Variants in GALNT13 observed in about 807,000 individuals in gnomAD.
GALNT13 encodes the protein polypeptide N-acetylgalactosaminyltransferase 13.
GALNT13 carries 28 observed loss-of-function variants against 64.2 expected under a neutral mutation model. The ratio of observed to expected loss-of-function variants is 0.44; its 90% CI spans 0.32 to 0.60. The LOEUF (loss-of-function observed/expected upper bound fraction) is 0.60. Among genes scored for constraint, GALNT13 ranks in the 20% least tolerant of loss-of-function variants. The pLI is 0.05. For synonymous variants in GALNT13, 214 were observed against 224.6 expected, an observed-to-expected ratio of 0.95 and a Z score of 0.42; for missense variants, 577 against 669.8, an observed-to-expected ratio of 0.86 and a Z score of 1.53.
At chr2:153,769,498 C>T in the GALNT13 span, among the ~76,000 whole-genome samples, 2 of 151,890 alleles carry the variant, frequency 1.3e-5, no homozygotes, top group African/African-American at 2.4e-5. Flanking sequence ...TTCTCTATTG[C>T]CACTCTTAGC....
rs201268752 is a variant in GALNT13 at position 154,035,338 on chromosome 2, TA to T, written c.142+90701del. ...GTAGCTTAATTATTTTTATGTGGTA[TA>T]AGTATTTATTAGAAATCAAATGGAC... On this transcript the variant is annotated intron_variant, in intron 3 of 12. Transcript: ENST00000392825. 5.3e-3 allele frequency among the ~76,000 whole-genome samples: 807 copies of T among 152,192 alleles called. 5 individuals are homozygous for T. Among genetic ancestry groups the T allele is most frequent in the African/African-American group, 0.018 (761 of 41,554 alleles).
Position 154,062,976 on chromosome 2 carries a change from A to T in GALNT13, c.143-77361A>T, listed in dbSNP as rs368987917. Among the ~76,000 whole-genome samples the T allele has an allele frequency of 9.2e-5, 14 of 152,048 alleles. No homozygotes were observed. In the South Asian group the frequency reaches 2.9e-3, roughly 32 times the overall value. On this transcript the variant is annotated intron_variant, in intron 3 of 12. Transcript: ENST00000392825. ...TGATCTGCTTTTTCTAACATTATTTATATAGTGAACAGGATTCCTAATTCA... is the reference window on the plus strand; with the variant it reads ...TGATCTGCTTTTTCTAACATTATTTTTATAGTGAACAGGATTCCTAATTCA...
At chr2:153,201,978 T>C in the GALNT13 span, among the ~76,000 whole-genome samples, 186 of 144,938 alleles carry the variant, frequency 1.3e-3, 2 homozygotes, top group African/African-American at 3.9e-3. Flanking sequence ...CATTTCTTTT[T>C]TTTTTTTTTT....
chr2:154,264,565 A>G lies in GALNT13; in HGVS notation c.975+5427A>G, dbSNP rs568167756. 2.0e-5 allele frequency among the ~76,000 whole-genome samples: 3 copies of G among 151,964 alleles called. No individual in the cohort carries two copies. The East Asian group carries it at 5.8e-4, about 29-fold the overall frequency. Reference sequence around the variant, plus strand: ...GGTAGAAGAATCGCTTGAACCCAGGAGGCAGAGGTTGCAGTGAGCCGAGAT... The same window carrying G: ...GGTAGAAGAATCGCTTGAACCCAGGGGGCAGAGGTTGCAGTGAGCCGAGAT... On this transcript the variant is annotated intron_variant, in intron 8 of 12. Coordinates refer to ENST00000392825, the MANE Select transcript of GALNT13 (RefSeq NM_052917.4).
chr2:153,635,389 A>G, the GALNT13 span, among the ~76,000 whole-genome samples: 1 of 83,742 alleles, frequency 1.2e-5, no homozygotes. Context: ...CTCATAGTAC[A>G]GTAAATATGT....
the GALNT13 span, among the ~76,000 whole-genome samples, chr2:153,223,675 A>T: frequency 6.6e-6 from 1 of 152,160 alleles, no homozygotes; most frequent in African/African-American, 2.4e-5. Context: ...GGATATGGCC[A>T]CATATGGGCA....
intron 2 of GALNT13, among the ~76,000 whole-genome samples, chr2:153,942,171 C>A (rs961316429): frequency 1.3e-5 from 2 of 151,918 alleles, no homozygotes; most frequent in Admixed American, 6.6e-5. Flanking sequence ...CTTGATTAAG[C>A]CTCACAATAT....
the GALNT13 span, among the ~76,000 whole-genome samples, chr2:153,122,457 C>T: frequency 6.6e-6 from 1 of 152,176 alleles, no homozygotes; most frequent in South Asian, 2.1e-4. Flanking sequence ...TACAGTCATA[C>T]AGCTAATGTG....
At chr2:154,328,296 A>T (rs186763905) in intron 9 of GALNT13, among the ~76,000 whole-genome samples, 1 of 152,158 alleles carries the variant, frequency 6.6e-6, no homozygotes, top group East Asian at 1.9e-4. Context: ...TTGATCTTTT[A>T]TATAACTGGA....
At chr2:153,293,213 C>T in the GALNT13 span, among the ~76,000 whole-genome samples, 1 of 152,012 alleles carries the variant, frequency 6.6e-6, no homozygotes, top group African/African-American at 2.4e-5. Flanking sequence ...CCCTGAAACC[C>T]GTAAATAGGT....
intron 3 of GALNT13, among the ~76,000 whole-genome samples, chr2:154,089,177 T>C (rs1701676491): frequency 6.6e-6 from 1 of 152,026 alleles, no homozygotes; most frequent in African/African-American, 2.4e-5. Context: ...CAGGAGAGCT[T>C]TGGAGCTCTG....
chr2:154,388,141 C>G (rs2105345956), intron 9 of GALNT13, among the ~76,000 whole-genome samples: 1 of 152,222 alleles, frequency 6.6e-6, no homozygotes, highest in Non-Finnish European at 1.5e-5. Context: ...CTTATTGTGG[C>G]TTTAATTTGC....
chr2:153,652,274 A>T, the GALNT13 span, among the ~76,000 whole-genome samples: 3 of 152,168 alleles, frequency 2.0e-5, no homozygotes, highest in Non-Finnish European at 4.4e-5. Flanking sequence ...TTGTAAAAGT[A>T]TTTTACAATT....
the GALNT13 span, among the ~76,000 whole-genome samples, chr2:153,239,198 C>G: frequency 2.0e-5 from 3 of 152,054 alleles, no homozygotes; most frequent in Non-Finnish European, 4.4e-5. Context: ...TGTATTGCAA[C>G]TTTACTGAAT....
At chr2:154,113,528 T>A (rs1195264921) in intron 3 of GALNT13, among the ~76,000 whole-genome samples, 2 of 152,176 alleles carry the variant, frequency 1.3e-5, no homozygotes, top group African/African-American at 4.8e-5. Context: ...TCTTTCACCT[T>A]AGGAGGAATA....
intron 3 of GALNT13, among the ~76,000 whole-genome samples, chr2:154,099,561 A>T (rs1221879241): frequency 3.3e-5 from 5 of 152,064 alleles, no homozygotes; most frequent in Admixed American, 3.3e-4. Flanking sequence ...CTTACCATTA[A>T]GCCCTTAATC....
the GALNT13 span, among the ~76,000 whole-genome samples, chr2:153,827,011 CA>C: frequency 7.9e-5 from 12 of 152,016 alleles, no homozygotes; most frequent in African/African-American, 2.9e-4. Flanking sequence ...TGTTTTCACA[CA>C]GCTGATAAAA....
the GALNT13 span, among the ~76,000 whole-genome samples, chr2:153,180,768 G>A: frequency 1.3e-5 from 2 of 151,382 alleles, no homozygotes; most frequent in African/African-American, 4.9e-5. Context: ...TTTAGTCTTG[G>A]TAGTTTGTGT....
intron 3 of GALNT13, among the ~76,000 whole-genome samples, chr2:153,966,515 G>A (rs187513892): frequency 4.4e-4 from 67 of 151,756 alleles, no homozygotes; most frequent in African/African-American, 1.5e-3. Context: ...ACAGGCGCCC[G>A]CCAAAACGCC....
Sources: allele counts gnomAD v4.1 joint callset (sites outside exome capture counted in the v4.1 genomes callset), GRCh38; gene constraint gnomAD v4.1.1; transcripts MANE v1.5; gene names NCBI Gene and HGNC (gene_info 2026-07-23, HGNC 2026-07-21).